The following CEP85L variants were observed in gnomAD, a reference collection of about 807,000 sequenced individuals.
CEP85L encodes the protein centrosomal protein of 85 kDa-like.
CEP85L carries 60 observed loss-of-function variants against 100.3 expected under a neutral mutation model. That is an observed-to-expected ratio of 0.60 (90% CI 0.49 to 0.74). The LOEUF is 0.74. Among genes scored for constraint, CEP85L ranks in the 30% least tolerant of loss-of-function variants. The pLI is 0.00. For missense variants in CEP85L, 973 were observed against 936.2 expected, an observed-to-expected ratio of 1.04 and a Z score of -0.51; for synonymous variants, 319 against 322.7, an observed-to-expected ratio of 0.99 and a Z score of 0.12.
At position 118,462,904 on chromosome 6, in the gene CEP85L, C is replaced by T. The variant is rs1772303688; in HGVS notation, c.*2501G>A. ...ATTAGTTTCAATTCCCCCACAAAAT[C>T]CCTCCAAGTCTATCTACTGTTTATG... On this transcript the variant is annotated 3_prime_UTR_variant, in exon 13 of 13. Transcript: ENST00000368491. The T allele has an allele frequency of 1.3e-5, 2 of 151,846 alleles. No homozygotes were observed. The highest frequency in any genetic ancestry group is 4.1e-4 in the South Asian group (2 of 4,826). The allele number at this position is 151,846 out of a possible 1,614,324, so 9.4% of individuals were successfully genotyped here.
intron 3 of CEP85L, chr6:118,565,274 T>G: frequency 2.1e-6 from 1 of 481,532 alleles, no homozygotes; most frequent in Non-Finnish European, 3.7e-6. Context: ...TTGCTTTATT[T>G]TTATGCCCAT....
intron 5 of CEP85L, among the ~76,000 whole-genome samples, chr6:118,503,578 T>C (rs1008843887): frequency 6.6e-6 from 1 of 152,114 alleles, no homozygotes; most frequent in Non-Finnish European, 1.5e-5. Flanking sequence ...GTGGTATTAG[T>C]GATAAAATAT....
rs561979284 is a variant in CEP85L, at chr6:118,484,717, C to T, written c.1438-859G>A. Among the ~76,000 whole-genome samples the T allele has an allele frequency of 4.6e-5, 7 of 152,172 alleles. No homozygotes were observed. In the South Asian group the frequency reaches 1.5e-3, roughly 32 times the overall value. ...GTTTTTGCATAACTATACCCAAATG[C>T]TTTATGGGAACTAAGAGAGGAAGAT... On this transcript the variant is annotated intron_variant, in intron 6 of 12. Coordinates refer to ENST00000368491, the MANE Select transcript of CEP85L (RefSeq NM_001042475.3).
intron 1 of CEP85L, among the ~76,000 whole-genome samples, chr6:118,700,917 G>A (rs1469240048): frequency 6.6e-6 from 1 of 152,156 alleles, no homozygotes; most frequent in Non-Finnish European, 1.5e-5. Flanking sequence ...TGCAGGTTCT[G>A]GCCCTGTTTT....
chr6:118,546,693 G>A (rs148999360), intron 3 of CEP85L, among the ~76,000 whole-genome samples: 5 of 152,172 alleles, frequency 3.3e-5, no homozygotes, highest in African/African-American at 1.2e-4. Flanking sequence ...TTAGCAGCTG[G>A]TTATCTCTGA....
chr6:118,574,464 G>A (rs762831638), intron 2 of CEP85L, among the ~76,000 whole-genome samples: 14 of 152,180 alleles, frequency 9.2e-5, no homozygotes, highest in South Asian at 2.1e-4. Context: ...CTGAGAAAAC[G>A]TTTTGCCTGA....
intron 11 of CEP85L, 26 bp downstream of exon 11, chr6:118,470,511 A>G: frequency 7.1e-7 from 1 of 1,403,344 alleles, no homozygotes; most frequent in Non-Finnish European, 9.8e-7. Flanking sequence ...ATCCTTTCAA[A>G]GCAAAATTGA....
chr6:118,574,901 T>A (rs186481960), intron 2 of CEP85L, among the ~76,000 whole-genome samples: 1 of 151,884 alleles, frequency 6.6e-6, no homozygotes, highest in South Asian at 2.1e-4. Flanking sequence ...TATACCAACC[T>A]AAATTCCTGC....
chr6:118,545,297 G>A (rs367591883), intron 3 of CEP85L, among the ~76,000 whole-genome samples: 4 of 152,220 alleles, frequency 2.6e-5, no homozygotes, highest in South Asian at 2.1e-4. Context: ...TTCACAAAAC[G>A]TTAGTAATAT....
chr6:118,700,841 A>G lies in CEP85L; in HGVS notation c.-28+9195T>C, dbSNP rs994658355. 6.6e-5 allele frequency among the ~76,000 whole-genome samples: 10 copies of G among 152,208 alleles called. No individual in the cohort carries two copies. The South Asian group carries it at 2.1e-3, about 31-fold the overall frequency. On this transcript the variant is annotated intron_variant, in intron 1 of 13. Transcript: ENST00000368488. Reference sequence around the variant, plus strand: ...AAACCTGTGTGAAATTGGCCTCAAGAGTCTGCATGTTTATTATGTAACATA... The same window carrying G: ...AAACCTGTGTGAAATTGGCCTCAAGGGTCTGCATGTTTATTATGTAACATA...
At chr6:118,650,519 G>A (rs1369732109) in intron 1 of CEP85L, among the ~76,000 whole-genome samples, 2 of 152,188 alleles carry the variant, frequency 1.3e-5, no homozygotes. Flanking sequence ...AAACGGATTC[G>A]TAACCCGGTT....
intron 7 of CEP85L, among the ~76,000 whole-genome samples, chr6:118,483,493 A>G (rs1773946123): frequency 1.3e-5 from 2 of 151,986 alleles, no homozygotes; most frequent in African/African-American, 4.8e-5. Context: ...TAGTTAAGAG[A>G]GTTACAATAC....
intron 3 of CEP85L, among the ~76,000 whole-genome samples, chr6:118,556,183 G>A (rs1316184348): frequency 6.6e-6 from 1 of 152,192 alleles, no homozygotes; most frequent in Non-Finnish European, 1.5e-5. Context: ...GGATTGTTGG[G>A]TCGAATGGTA....
intron 1 of CEP85L, among the ~76,000 whole-genome samples, chr6:118,665,983 A>G (rs1402644434): frequency 2.6e-5 from 4 of 152,160 alleles, no homozygotes; most frequent in African/African-American, 9.7e-5. Context: ...TTCACTCCCC[A>G]AAGTTATCAC....
chr6:118,661,900 A>C (rs142657746), intron 1 of CEP85L, among the ~76,000 whole-genome samples: 33 of 152,338 alleles, frequency 2.2e-4, no homozygotes, highest in African/African-American at 7.9e-4. Flanking sequence ...AATGACTTTT[A>C]AGTTGATGGA....
chr6:118,490,918 G>A (rs1009474547), intron 6 of CEP85L, among the ~76,000 whole-genome samples: 4 of 151,030 alleles, frequency 2.6e-5, no homozygotes, highest in Admixed American at 1.3e-4. Context: ...TTTCTTTATC[G>A]ATTCTTTGCT....
At chr6:118,524,860 T>A (rs541846059) in intron 3 of CEP85L, among the ~76,000 whole-genome samples, 10 of 152,324 alleles carry the variant, frequency 6.6e-5, no homozygotes, top group African/African-American at 2.4e-4. Flanking sequence ...GAGCCCAGCA[T>A]GCGTTCTGGG....
At chr6:118,673,646 CTCTGGTAAA>C (rs1303878762) in intron 1 of CEP85L, among the ~76,000 whole-genome samples, 1 of 152,230 alleles carries the variant, frequency 6.6e-6, no homozygotes, top group Non-Finnish European at 1.5e-5. Flanking sequence ...ATTAAAGTAA[CTCTGGTAAA>C]TCTTGAAATT....
intron 3 of CEP85L, among the ~76,000 whole-genome samples, chr6:118,535,989 T>A (rs991009897): frequency 6.6e-6 from 1 of 152,144 alleles, no homozygotes; most frequent in African/African-American, 2.4e-5. Flanking sequence ...ATACTTCAAT[T>A]ATCATATTAA....
Sources: allele counts gnomAD v4.1 joint callset (sites outside exome capture counted in the v4.1 genomes callset), GRCh38; gene constraint gnomAD v4.1.1; transcripts MANE v1.5; gene names NCBI Gene and HGNC (gene_info 2026-07-23, HGNC 2026-07-21).